ITGB6: variants seen among roughly 807,000 people sequenced by gnomAD.
The protein encoded by ITGB6 is integrin subunit beta 6, also known as integrin beta-6.
A neutral mutation model predicts 84.5 loss-of-function variants in ITGB6; 80 were observed. The observed-to-expected ratio is 0.95, with a 90% CI of 0.79 to 1.14. The LOEUF is 1.14. Ranked by LOEUF, ITGB6 falls within the 50% of genes most tolerant of loss-of-function variation. ITGB6 has a pLI of 0.00. For missense variants in ITGB6, 1,006 were observed against 968.0 expected (o/e 1.04, Z -0.52); for synonymous variants, 383 against 354.9 (o/e 1.08, Z -0.89).
chr2:160,161,069 G>A (rs770437738), intron 7 of ITGB6, among the ~76,000 whole-genome samples: 11 of 152,168 alleles, frequency 7.2e-5, no homozygotes, highest in Non-Finnish European at 1.3e-4. Flanking sequence ...TAAGTATTAT[G>A]TGAATATGTA....
intron 6 of ITGB6, among the ~76,000 whole-genome samples, chr2:160,169,518 T>A (rs1685127808): frequency 6.6e-6 from 1 of 152,216 alleles, no homozygotes; most frequent in Non-Finnish European, 1.5e-5. Flanking sequence ...TCCAGTCAAG[T>A]CCTAAGAGTC....
At chr2:160,190,708 G>A (rs2105892800) in intron 4 of ITGB6, among the ~76,000 whole-genome samples, 1 of 152,278 alleles carries the variant, frequency 6.6e-6, no homozygotes, top group African/African-American at 2.4e-5. Flanking sequence ...GGTAAATAAA[G>A]AGCCAAACTG....
intron 4 of ITGB6, among the ~76,000 whole-genome samples, chr2:160,185,571 C>A (rs998611805): frequency 5.9e-5 from 9 of 152,172 alleles, no homozygotes; most frequent in African/African-American, 2.2e-4. Flanking sequence ...AGATTCAATG[C>A]TATCCCCATC....
intron 7 of ITGB6, among the ~76,000 whole-genome samples, chr2:160,151,082 G>T (rs1300288779): frequency 6.6e-6 from 1 of 152,148 alleles, no homozygotes; most frequent in East Asian, 1.9e-4. Flanking sequence ...ACTCAGCTCT[G>T]CAACAAGCAG....
intron 12 of ITGB6, among the ~76,000 whole-genome samples, chr2:160,112,448 C>T (rs1265608081): frequency 6.6e-6 from 1 of 151,960 alleles, no homozygotes; most frequent in African/African-American, 2.4e-5. Flanking sequence ...CGGATACGGG[C>T]AGGATTGCAA....
intron 8 of ITGB6, 150 bp from the exon 9 acceptor site, chr2:160,138,349 G>A: frequency 1.5e-6 from 1 of 668,362 alleles, no homozygotes; most frequent in Non-Finnish European, 2.4e-6. Flanking sequence ...TCAAAAGCAA[G>A]AAAGTGAGCA....
At chr2:160,139,288 T>A (rs1683893954) in intron 8 of ITGB6, among the ~76,000 whole-genome samples, 1 of 152,208 alleles carries the variant, frequency 6.6e-6, no homozygotes, top group African/African-American at 2.4e-5. Context: ...ATTTTCTTGT[T>A]GGCATTTAAA....
rs113493415 is a variant in ITGB6 at position 160,126,664 on chromosome 2, A to C, written c.1661-63T>G. 649 of 1,464,886 alleles carry C rather than the reference A, an allele frequency of 4.4e-4. 5 individuals carry two copies. In the African/African-American group the frequency reaches 5.6e-3, roughly 13 times the overall value. 90.7% of individuals were successfully genotyped at this position (1,464,886 alleles called of 1,614,324 possible). On this transcript the variant is annotated intron_variant, in intron 10 of 14. Coordinates refer to ENST00000283249, the MANE Select transcript of ITGB6 (RefSeq NM_000888.5). ...AAACACTTGCAGATTTGAGGGGGTG[A>C]GGGGCATCTTTTCTCTTTGTCTTTA...
chr2:160,190,996 T>G (rs1370092924), intron 4 of ITGB6, among the ~76,000 whole-genome samples: 1 of 152,158 alleles, frequency 6.6e-6, no homozygotes, highest in Non-Finnish European at 1.5e-5. Context: ...TATGGAAGCT[T>G]ATTGTAGGGG....
intron 2 of ITGB6, among the ~76,000 whole-genome samples, chr2:160,197,039 T>G (rs1686370495): frequency 6.6e-6 from 1 of 152,134 alleles, no homozygotes; most frequent in Non-Finnish European, 1.5e-5. Flanking sequence ...TTCACCTAAA[T>G]TGACCTCTTG....
chr2:160,171,374 G>T (rs1262272760), intron 6 of ITGB6, among the ~76,000 whole-genome samples: 1 of 133,848 alleles, frequency 7.5e-6, no homozygotes, highest in African/African-American at 2.8e-5. Flanking sequence ...TCGCTCTGTC[G>T]CCCAGGCTAG....
At chr2:160,143,013 A>G (rs1482615328) in intron 7 of ITGB6, among the ~76,000 whole-genome samples, 1 of 152,186 alleles carries the variant, frequency 6.6e-6, no homozygotes, top group Non-Finnish European at 1.5e-5. Context: ...TTTTGCCAGG[A>G]ATGCTGGCTC....
chr2:160,154,884 T>C (rs996771291), intron 7 of ITGB6, among the ~76,000 whole-genome samples: 7 of 152,198 alleles, frequency 4.6e-5, no homozygotes, highest in Admixed American at 1.3e-4. Context: ...TCCGCCCAAA[T>C]CTCATGTTGA....
intron 10 of ITGB6, among the ~76,000 whole-genome samples, chr2:160,134,839 T>C (rs1446946238): frequency 2.0e-5 from 3 of 152,216 alleles, no homozygotes; most frequent in African/African-American, 7.2e-5. Context: ...AAAAGGCCTT[T>C]GACAAAATTC....
chr2:160,167,270 T>C (rs751873583), intron 7 of ITGB6, among the ~76,000 whole-genome samples: 5 of 152,344 alleles, frequency 3.3e-5, no homozygotes, highest in African/African-American at 4.8e-5. Context: ...GTTTTCATTA[T>C]CAATAAAATG....
intron 4 of ITGB6, among the ~76,000 whole-genome samples, chr2:160,175,802 T>C (rs1276383729): frequency 1.3e-5 from 2 of 152,238 alleles, no homozygotes; most frequent in African/African-American, 4.8e-5. Context: ...TAGTGATTTG[T>C]TAATGAAAAT....
At chr2:160,120,597 G>A (rs1279112165) in intron 12 of ITGB6, among the ~76,000 whole-genome samples, 9 of 51,082 alleles carry the variant, frequency 1.8e-4, no homozygotes, top group Non-Finnish European at 2.8e-4. Flanking sequence ...CAGCGCACCA[G>A]CATGGCACAT....
rs185441655 is a variant in ITGB6, at chr2:160,124,361, T to C, written c.1884-473A>G. Among the ~76,000 whole-genome samples the C allele has an allele frequency of 4.9e-3, 743 of 152,348 alleles. 3 individuals are homozygous for C. The highest frequency in any genetic ancestry group is 0.017 in the Middle Eastern group (5 of 294). On this transcript the variant is annotated intron_variant, in intron 11 of 14. Coordinates refer to ENST00000283249, the MANE Select transcript of ITGB6 (RefSeq NM_000888.5). ...ATGTCTTATATGATTATTTTCACAA[T>C]TCACTTTTCTGTAACTCTTTTGAAT...
chr2:160,118,445 C>T (rs1376392546), intron 12 of ITGB6, among the ~76,000 whole-genome samples: 6 of 152,126 alleles, frequency 3.9e-5, no homozygotes, highest in Non-Finnish European at 5.9e-5. Flanking sequence ...GCAGAAAAGG[C>T]CTTTGACAAA....
Sources: allele counts gnomAD v4.1 joint callset (sites outside exome capture counted in the v4.1 genomes callset), GRCh38; gene constraint gnomAD v4.1.1; transcripts MANE v1.5; gene names NCBI Gene and HGNC (gene_info 2026-07-23, HGNC 2026-07-21).